The following ST6GALNAC3 variants were observed in gnomAD, a reference collection of about 807,000 sequenced individuals.
The protein encoded by ST6GALNAC3 is ST6 N-acetylgalactosaminide alpha-2,6-sialyltransferase 3.
Under a neutral mutation model 32.7 loss-of-function variants are expected in ST6GALNAC3, and 25 were observed. That is an observed-to-expected ratio of 0.76 (90% CI 0.56 to 1.07). The LOEUF (loss-of-function observed/expected upper bound fraction) is 1.07, where lower values mean the gene tolerates loss of function less well. Among genes scored for constraint, ST6GALNAC3 ranks in the 50% least tolerant of loss-of-function variants. ST6GALNAC3 has a pLI of 0.00. For missense variants in ST6GALNAC3, 355 were observed against 382.4 expected, an observed-to-expected ratio of 0.93 and a Z score of 0.60; for synonymous variants, 129 against 133.1, an observed-to-expected ratio of 0.97 and a Z score of 0.21.
chr1:76,214,407 AT>A (rs375215131), intron 1 of ST6GALNAC3, among the ~76,000 whole-genome samples: 5 of 150,974 alleles, frequency 3.3e-5, no homozygotes, highest in Admixed American at 2.0e-4. Flanking sequence ...TTGAAAAAAA[AT>A]TTTTTTTTTG....
chr1:76,182,873 A>G (rs145590846), intron 1 of ST6GALNAC3, among the ~76,000 whole-genome samples: 1 of 152,210 alleles, frequency 6.6e-6, no homozygotes, highest in East Asian at 1.9e-4. Context: ...TAGTTTTTAC[A>G]ACCTACGAAT....
chr1:76,634,129 T>C lies in ST6GALNAC3; in HGVS notation c.*5323T>C. 1 of 984,914 alleles carries C rather than the reference T, an allele frequency of 1.0e-6. No homozygotes were observed. The highest frequency in any genetic ancestry group is 1.2e-6 in the Non-Finnish European group (1 of 829,552). The allele number at this position is 984,914 out of a possible 1,614,324, so 61.0% of individuals were successfully genotyped here. A position where few individuals can be genotyped will look rare whatever the true frequency, so the allele number is the denominator to read the frequency against. ...AGAAAACCTCTTCTTTCTCCACAGA[T>C]ACATCTCTTTTTGTTCACGCCTTGA... On this transcript the variant is annotated 3_prime_UTR_variant, in exon 5 of 5. Coordinates refer to ENST00000328299, the MANE Select transcript of ST6GALNAC3 (RefSeq NM_152996.4).
intron 3 of ST6GALNAC3, among the ~76,000 whole-genome samples, chr1:76,448,166 G>A (rs1447223246): frequency 6.6e-6 from 1 of 152,186 alleles, no homozygotes; most frequent in Non-Finnish European, 1.5e-5. Context: ...TGGTAGATGT[G>A]AGACATGGAG....
chr1:76,602,059 G>A (rs1647260237), intron 3 of ST6GALNAC3, among the ~76,000 whole-genome samples: 1 of 152,158 alleles, frequency 6.6e-6, no homozygotes, highest in African/African-American at 2.4e-5. Flanking sequence ...GCTTTGCAAA[G>A]TAAGGGATGA....
intron 3 of ST6GALNAC3, among the ~76,000 whole-genome samples, chr1:76,511,349 C>T (rs1661846948): frequency 6.6e-6 from 1 of 152,124 alleles, no homozygotes; most frequent in Non-Finnish European, 1.5e-5. Flanking sequence ...AGTTACAATC[C>T]AGAAAGAGTG....
At chr1:76,314,499 A>C (rs1424814939) in intron 2 of ST6GALNAC3, among the ~76,000 whole-genome samples, 1 of 152,178 alleles carries the variant, frequency 6.6e-6, no homozygotes, top group South Asian at 2.1e-4. Flanking sequence ...AGAGTTTTCA[A>C]ATTTAAAGGG....
chr1:76,541,518 T>C (rs1663990656), intron 3 of ST6GALNAC3, among the ~76,000 whole-genome samples: 1 of 152,238 alleles, frequency 6.6e-6, no homozygotes, highest in African/African-American at 2.4e-5. Flanking sequence ...ATAAACTATT[T>C]TAATTTGAGA....
chr1:76,216,607 C>T (rs1240601132), intron 1 of ST6GALNAC3, among the ~76,000 whole-genome samples: 2 of 152,184 alleles, frequency 1.3e-5, no homozygotes, highest in Admixed American at 1.3e-4. Context: ...AGCTTTTCTT[C>T]TTTCTTCTTT....
At chr1:76,430,536 GTCAAATAAA>G (rs963088707) in intron 3 of ST6GALNAC3, among the ~76,000 whole-genome samples, 3 of 152,006 alleles carry the variant, frequency 2.0e-5, no homozygotes, top group African/African-American at 4.8e-5. Context: ...TTCTACTCTT[GTCAAATAAA>G]TCATTTAAGG....
At chr1:76,117,362 A>G (rs1648548313) in intron 1 of ST6GALNAC3, among the ~76,000 whole-genome samples, 1 of 152,232 alleles carries the variant, frequency 6.6e-6, no homozygotes, top group African/African-American at 2.4e-5. Flanking sequence ...AAGCAAAAAC[A>G]CTTGGACAAG....
chr1:76,370,140 G>C (rs1371052669), intron 2 of ST6GALNAC3, among the ~76,000 whole-genome samples: 1 of 152,132 alleles, frequency 6.6e-6, no homozygotes, highest in Admixed American at 6.6e-5. Flanking sequence ...TGGCCACCTC[G>C]TTGAGCTTTG....
chr1:76,147,283 G>T (rs202223074), intron 1 of ST6GALNAC3, among the ~76,000 whole-genome samples: 1 of 151,890 alleles, frequency 6.6e-6, no homozygotes, highest in East Asian at 1.9e-4. Context: ...GGCTGGTCTC[G>T]AACTCCTGAC....
chr1:76,595,297 A>G (rs571585218), intron 3 of ST6GALNAC3, among the ~76,000 whole-genome samples: 13 of 152,242 alleles, frequency 8.5e-5, no homozygotes, highest in African/African-American at 3.1e-4. Context: ...GTTCCTGGTT[A>G]ACATAAGTAA....
At chr1:76,350,734 T>C (rs1648908358) in intron 2 of ST6GALNAC3, among the ~76,000 whole-genome samples, 1 of 152,206 alleles carries the variant, frequency 6.6e-6, no homozygotes, top group Non-Finnish European at 1.5e-5. Context: ...AGTATTATTT[T>C]ATCTCATCTA....
intron 1 of ST6GALNAC3, among the ~76,000 whole-genome samples, chr1:76,203,609 G>T (rs538148579): frequency 2.4e-4 from 37 of 152,170 alleles, no homozygotes; most frequent in African/African-American, 7.9e-4. Flanking sequence ...AATGCAAGAG[G>T]TAAATATTTA....
intron 1 of ST6GALNAC3, among the ~76,000 whole-genome samples, chr1:76,245,873 T>C (rs1657229080): frequency 6.6e-6 from 1 of 152,206 alleles, no homozygotes; most frequent in Non-Finnish European, 1.5e-5. Flanking sequence ...CTGAGAAGAA[T>C]GTATATTCTG....
intron 1 of ST6GALNAC3, among the ~76,000 whole-genome samples, chr1:76,196,629 C>G (rs921182780): frequency 2.0e-5 from 3 of 152,030 alleles, no homozygotes; most frequent in Non-Finnish European, 4.4e-5. Flanking sequence ...CCATGCCCGG[C>G]TAATTTTTGT....
chr1:76,517,554 G>A (rs879490823), intron 3 of ST6GALNAC3, among the ~76,000 whole-genome samples: 2 of 151,592 alleles, frequency 1.3e-5, no homozygotes, highest in African/African-American at 4.8e-5. Context: ...CCTTTTAAAG[G>A]CTTACTGTAA....
At chr1:76,207,441 A>G (rs1487384905) in intron 1 of ST6GALNAC3, among the ~76,000 whole-genome samples, 1 of 152,236 alleles carries the variant, frequency 6.6e-6, no homozygotes, top group Non-Finnish European at 1.5e-5. Context: ...GGCTATAACA[A>G]CACAGATTGG....
Sources: gnomAD v4.1 joint callset for allele counts (sites outside exome capture counted in the v4.1 genomes callset) on GRCh38, gnomAD v4.1.1 for gene constraint, MANE v1.5 for transcripts, NCBI Gene and HGNC (gene_info 2026-07-23, HGNC 2026-07-21) for gene names.